MAP3K20: variants seen among roughly 807,000 people sequenced by gnomAD.
The protein encoded by MAP3K20 is HCCS-4.
In MAP3K20, 40 loss-of-function variants were observed where a neutral mutation model predicts 85.7. The observed-to-expected ratio is 0.47, with a 90% CI of 0.36 to 0.61. The LOEUF (loss-of-function observed/expected upper bound fraction) is 0.61. MAP3K20 is among the 20% of genes least tolerant of loss of function. MAP3K20 has a pLI of 0.00. For missense variants in MAP3K20, 817 were observed against 961.7 expected, an observed-to-expected ratio of 0.85 and a Z score of 1.99; for synonymous variants, 325 against 327.7, an observed-to-expected ratio of 0.99 and a Z score of 0.09.
At chr2:173,171,551 A>G (rs145523863) in intron 3 of MAP3K20, among the ~76,000 whole-genome samples, 1 of 152,344 alleles carries the variant, frequency 6.6e-6, no homozygotes, top group African/African-American at 2.4e-5. Flanking sequence ...TACTCTCAGT[A>G]GGAAGATATC....
chr2:173,114,641 GTA>G (rs1688066424), intron 2 of MAP3K20, among the ~76,000 whole-genome samples: 1 of 152,246 alleles, frequency 6.6e-6, no homozygotes, highest in South Asian at 2.1e-4. Context: ...TGAAAAAGAT[GTA>G]TCTTTCCTTC....
intron 2 of MAP3K20, among the ~76,000 whole-genome samples, chr2:173,096,629 C>T (rs1377128434): frequency 6.6e-6 from 1 of 152,218 alleles, no homozygotes; most frequent in Non-Finnish European, 1.5e-5. Context: ...TGAGCCACTG[C>T]ACCCGGCCAA....
chr2:173,214,869 G>T (rs2106311967), intron 10 of MAP3K20, among the ~76,000 whole-genome samples: 1 of 152,166 alleles, frequency 6.6e-6, no homozygotes, highest in East Asian at 1.9e-4. Flanking sequence ...CAAGGGAGCA[G>T]CTGTTTTTTT....
intron 3 of MAP3K20, among the ~76,000 whole-genome samples, chr2:173,180,266 A>C (rs1014256366): frequency 2.6e-5 from 4 of 152,212 alleles, no homozygotes; most frequent in Non-Finnish European, 5.9e-5. Flanking sequence ...ATCTACAGGG[A>C]TATAGACCAA....
chr2:173,255,632 G>A (rs146656404), intron 16 of MAP3K20, among the ~76,000 whole-genome samples: 92 of 152,224 alleles, frequency 6.0e-4, no homozygotes, highest in African/African-American at 2.1e-3. Context: ...TTCTGACGGT[G>A]TGCAGAGGAG....
At chr2:173,121,764 C>G (rs1439744791) in intron 2 of MAP3K20, among the ~76,000 whole-genome samples, 3 of 150,178 alleles carry the variant, frequency 2.0e-5, no homozygotes, top group African/African-American at 7.3e-5. Context: ...CCGCCACCAT[C>G]ACCTCCTGGG....
intron 9 of MAP3K20, among the ~76,000 whole-genome samples, chr2:173,209,433 G>A (rs1394491906): frequency 6.6e-6 from 1 of 152,196 alleles, no homozygotes; most frequent in Non-Finnish European, 1.5e-5. Context: ...TCTTAAAAGA[G>A]AGAATTAGTT....
chr2:173,127,869 G>A (rs550464935), intron 2 of MAP3K20, among the ~76,000 whole-genome samples: 1 of 152,268 alleles, frequency 6.6e-6, no homozygotes, highest in South Asian at 2.1e-4. Context: ...GTGTGCATAG[G>A]TAACACCCCA....
At chr2:173,075,808 G>C, upstream of MAP3K20, 1 of 985,522 alleles carries the variant, frequency 1.0e-6, no homozygotes, top group Non-Finnish European at 1.2e-6. Context: ...GCCGTTTCGC[G>C]CCGGGAGGTA....
intron 2 of MAP3K20, among the ~76,000 whole-genome samples, chr2:173,140,894 G>A (rs1331400443): frequency 5.3e-5 from 8 of 152,128 alleles, no homozygotes; most frequent in Admixed American, 3.9e-4. Flanking sequence ...TTGTGTAAAT[G>A]TCGATTTCTA....
chr2:173,115,876 T>C (rs1457588665), intron 2 of MAP3K20, among the ~76,000 whole-genome samples: 1 of 152,104 alleles, frequency 6.6e-6, no homozygotes, highest in Admixed American at 6.6e-5. Context: ...TTGCTTCTTA[T>C]TAGTATTAAT....
rs1685430210 is a variant in MAP3K20, at chr2:173,266,616, A to G, written c.2269A>G (p.Ser757Gly). The change falls in exon 20 of 20, where the codon AGT becomes GGT. Residue 757 changes from serine to glycine, a missense_variant. Coordinates refer to ENST00000375213, the MANE Select transcript of MAP3K20 (RefSeq NM_016653.3). ...GCACCCTGAGACTGACTCAAGAGCC[A>G]GTGAAGAGGACAGCAAAGTCAGCGA... ...PLHPETDSRA[S>G]EEDSKVSEGG... 6.2e-7 allele frequency: 1 copy of G among 1,614,000 alleles called. No homozygotes were observed. Among genetic ancestry groups the G allele is most frequent in the Non-Finnish European group, 8.5e-7 (1 of 1,180,002 alleles).
At chr2:173,099,778 A>G (rs991449468) in intron 2 of MAP3K20, among the ~76,000 whole-genome samples, 1 of 152,244 alleles carries the variant, frequency 6.6e-6, no homozygotes, top group Non-Finnish European at 1.5e-5. Context: ...GTGACTCTGC[A>G]TTCCAGTGAG....
rs1002540388 is a variant in MAP3K20, at chr2:173,198,211, C to T, written c.669+99C>T. 20 of 1,118,680 alleles carry T rather than the reference C, an allele frequency of 1.8e-5. No individual in the cohort carries two copies. Among genetic ancestry groups the T allele is most frequent in the Non-Finnish European group, 2.6e-5 (20 of 772,576 alleles). 69.3% of individuals were successfully genotyped at this position (1,118,680 alleles called of 1,614,324 possible). Reference sequence around the variant, plus strand: ...CTTCTTCAAATTGAAAGTAAGTTCACGCTTATGGAAAGATTAGCAGTAGGA... The same window carrying T: ...CTTCTTCAAATTGAAAGTAAGTTCATGCTTATGGAAAGATTAGCAGTAGGA... On this transcript the variant is annotated intron_variant, in intron 8 of 19. Coordinates refer to ENST00000375213, the MANE Select transcript of MAP3K20 (RefSeq NM_016653.3). This position sits in a 1 kb window ranked among gnomAD's most constrained non-coding sequence, Gnocchi z 5.8.
In MAP3K20 at chr2:173,254,062, A is replaced by G. The variant is rs556317320; in HGVS notation, c.1360-4637A>G. 1.3e-4 allele frequency among the ~76,000 whole-genome samples: 14 copies of G among 107,718 alleles called. No homozygotes were observed. The South Asian group carries it at 2.7e-3, about 21-fold the overall frequency. 70.7% of individuals were successfully genotyped at this position (107,718 alleles called of 152,430 possible). Reference sequence around the variant, plus strand: ...CTCCAGCCCGGGTGACAGAGTAAGAACCTGTGTCAGAAAAAAAAAAAAAAA... The same window carrying G: ...CTCCAGCCCGGGTGACAGAGTAAGAGCCTGTGTCAGAAAAAAAAAAAAAAA... On this transcript the variant is annotated intron_variant, in intron 16 of 19. Coordinates refer to ENST00000375213, the MANE Select transcript of MAP3K20 (RefSeq NM_016653.3).
chr2:173,174,882 A>T (rs1690109327), intron 3 of MAP3K20, among the ~76,000 whole-genome samples: 1 of 152,190 alleles, frequency 6.6e-6, no homozygotes, highest in African/African-American at 2.4e-5. Context: ...CTATCTCTGG[A>T]TATTTATCTC....
At chr2:173,176,642 C>T (rs933810117) in intron 3 of MAP3K20, among the ~76,000 whole-genome samples, 1 of 152,034 alleles carries the variant, frequency 6.6e-6, no homozygotes, top group East Asian at 1.9e-4. Context: ...GAACAGGAGA[C>T]TAAGAAGGAC....
At chr2:173,221,858 ATTTGAC>A in intron 11 of MAP3K20, 1 of 1,013,014 alleles carries the variant, frequency 9.9e-7, no homozygotes, top group Non-Finnish European at 1.2e-6. Context: ...TTTAGTTTGT[ATTTGAC>A]TTTATTTCCT....
chr2:173,184,957 A>G (rs1395706256), intron 4 of MAP3K20, among the ~76,000 whole-genome samples: 1 of 151,290 alleles, frequency 6.6e-6, no homozygotes, highest in Non-Finnish European at 1.5e-5. Context: ...ATAAGGAAGG[A>G]GAGGCCAGGC....
Sources: gnomAD v4.1 joint callset for allele counts (sites outside exome capture counted in the v4.1 genomes callset) on GRCh38, gnomAD v4.1.1 for gene constraint, Gnocchi (gnomAD v3.1) non-coding constraint, MANE v1.5 for transcripts, NCBI Gene and HGNC (gene_info 2026-07-23, HGNC 2026-07-21) for gene names.